ATRX: variants seen among roughly 807,000 people sequenced by gnomAD.
ATRX encodes ATRX chromatin remodeler.
In ATRX, 12 loss-of-function variants were observed where a neutral mutation model predicts 172.6. The observed-to-expected ratio is 0.07, with a 90% CI of 0.04 to 0.11. The LOEUF (loss-of-function observed/expected upper bound fraction) is 0.11, where lower values mean the gene tolerates loss of function less well. Ranked by LOEUF, ATRX falls within the 10% of genes least tolerant of loss-of-function variation. ATRX has a pLI of 1.00. For synonymous variants in ATRX, 674 were observed against 594.7 expected (o/e 1.13, Z -1.94); for missense variants, 1,368 against 1,767.4 (o/e 0.77, Z 4.05).
At chrX:77,668,440 C>G (rs932172528) in intron 10 of ATRX, among the ~76,000 whole-genome samples, 7 of 111,812 alleles carry the variant, frequency 6.3e-5, no homozygotes, top group African/African-American at 2.3e-4. Flanking sequence ...CGATGTACTG[C>G]CCCTGGAATC....
chrX:77,656,647 C>T lies in ATRX; in HGVS notation c.4127G>A (p.Ser1376Asn), dbSNP rs782818973. ...VKGRNRRKVS[S>N]EDSEDSDFQE... ...AAAATCAGAATCTTCTGAATCTTCA[C>T]TGCTCACTTGAATTTTAAAAAATAC... is the stretch of plus-strand genomic sequence containing the variant. Residue 1376 changes from serine (S) to asparagine (N), a missense_variant, in exon 13 of 35, where the codon AGT (serine) becomes AAT (asparagine). Around this residue, in one of 17 missense-constraint regions of ATRX, gnomAD observed 119 missense variants for 131.3 expected, o/e 0.91. Coordinates refer to ENST00000373344, the MANE Select transcript of ATRX (RefSeq NM_000489.6). 1 of 1,191,424 alleles carries T rather than the reference C, an allele frequency of 8.4e-7. No individual in the cohort carries two copies. Among genetic ancestry groups the T allele is most frequent in the East Asian group, 3.0e-5 (1 of 33,546 alleles).
At chrX:77,692,241 T>TA (rs1557147394) in intron 6 of ATRX, among the ~76,000 whole-genome samples, 1 of 111,510 alleles carries the variant, frequency 9.0e-6, no homozygotes, top group Non-Finnish European at 1.9e-5. Context: ...AAGAAACTCT[T>TA]ACTACTGATC....
intron 19 of ATRX, among the ~76,000 whole-genome samples, chrX:77,623,942 C>T: frequency 8.9e-6 from 1 of 111,777 alleles, no homozygotes; most frequent in African/African-American, 3.2e-5. Flanking sequence ...CCATAGCCAA[C>T]ATAATACTGA....
chrX:77,677,877 T>A (rs1557134611), intron 9 of ATRX, among the ~76,000 whole-genome samples: 2 of 110,905 alleles, frequency 1.8e-5, no homozygotes, highest in South Asian at 7.6e-4. Flanking sequence ...AAAAAATCTA[T>A]AAAGGAAACA....
intron 26 of ATRX, among the ~76,000 whole-genome samples, chrX:77,590,772 A>T (rs782310690): frequency 8.9e-6 from 1 of 111,920 alleles, no homozygotes; most frequent in South Asian, 3.7e-4. Flanking sequence ...ATGGAGCATA[A>T]ATCTAACTGT....
chrX:77,623,052 T>C (rs1208532733), intron 19 of ATRX, among the ~76,000 whole-genome samples: 1 of 108,636 alleles, frequency 9.2e-6, no homozygotes, highest in African/African-American at 3.4e-5. Context: ...ATAACCAAGA[T>C]CAGAGCAGTA....
At chrX:77,703,287 T>C (rs1323044578) in intron 2 of ATRX, among the ~76,000 whole-genome samples, 1 of 113,038 alleles carries the variant, frequency 8.8e-6, no homozygotes, top group Non-Finnish European at 1.9e-5. Context: ...CTCATGCTAC[T>C]GGCCTGTGTC....
chrX:77,635,847 G>C (rs2148356695), intron 16 of ATRX, 68 bp downstream of exon 16: 1 of 1,042,003 alleles, frequency 9.6e-7, no homozygotes, highest in Non-Finnish European at 1.3e-6. Context: ...ATGTGAGGCA[G>C]CTGCCTCACA....
intron 2 of ATRX, among the ~76,000 whole-genome samples, chrX:77,711,562 T>C (rs1557161268): frequency 8.9e-6 from 1 of 112,366 alleles, no homozygotes; most frequent in Non-Finnish European, 1.9e-5. Flanking sequence ...GGGCTGGGTG[T>C]GGTGGCTCAC....
intron 34 of ATRX, among the ~76,000 whole-genome samples, chrX:77,517,785 A>G (rs1291502927): frequency 8.9e-6 from 1 of 112,128 alleles, no homozygotes; most frequent in East Asian, 2.8e-4. Context: ...ATAATAGCAA[A>G]CACAATTCAA....
At chrX:77,623,949 C>T (rs2067703941) in intron 19 of ATRX, among the ~76,000 whole-genome samples, 2 of 111,734 alleles carry the variant, frequency 1.8e-5, no homozygotes, top group Admixed American at 1.9e-4. Context: ...CAACATAATA[C>T]TGAATGGAGA....
chrX:77,682,994 A>G lies in ATRX; in HGVS notation c.2262T>C (p.Ile754=), dbSNP rs1557140015. 1 of 1,210,529 alleles carries G rather than the reference A, an allele frequency of 8.3e-7. No individual in the cohort carries two copies. Among genetic ancestry groups the G allele is most frequent in the Admixed American group, 2.2e-5 (1 of 45,960 alleles). Residue 754 remains isoleucine (I), a synonymous_variant, in exon 9 of 35, where the codon ATT becomes ATC. Transcript: ENST00000373344. Reference sequence around the variant, plus strand: ...TCTTATGGTTTGTATGAATTTCATTAATATCAGTATCTGAAGAAGAACTGT... The same window carrying G: ...TCTTATGGTTTGTATGAATTTCATTGATATCAGTATCTGAAGAAGAACTGT... ...MSHSSSSDTD[I]NEIHTNHKTL... is the part of the protein sequence containing the mutation.
chrX:77,601,895 A>G (rs2066691425), intron 22 of ATRX, among the ~76,000 whole-genome samples: 1 of 111,888 alleles, frequency 8.9e-6, no homozygotes. Context: ...GAGGTATATA[A>G]TTTCTCGGCA....
At chrX:77,782,151 C>T (rs782309559) in intron 1 of ATRX, among the ~76,000 whole-genome samples, 1 of 111,736 alleles carries the variant, frequency 8.9e-6, no homozygotes, top group East Asian at 2.8e-4. Flanking sequence ...TTTTAAAAAC[C>T]TTTATAAAAT....
chrX:77,604,819 C>CA lies in ATRX; in HGVS notation c.5567-4256dup, dbSNP rs782636514. On this transcript the variant is annotated intron_variant, in intron 22 of 34. Transcript: ENST00000373344. ...TACACAGTGGAATACTATTTGGCCA[C>CA]AAAAAAGAACAAAAGCATGTCTTCT... 4.9e-4 allele frequency among the ~76,000 whole-genome samples: 55 copies of CA among 111,776 alleles called. No homozygotes were observed. The South Asian group carries it at 0.011, about 23-fold the overall frequency.
chrX:77,523,983 C>T (rs1443583946), intron 30 of ATRX, among the ~76,000 whole-genome samples: 1 of 111,325 alleles, frequency 9.0e-6, no homozygotes, highest in Admixed American at 9.5e-5. Context: ...AATTGATATA[C>T]ATTTTTCAAT....
Position 77,716,110 on chromosome X carries a change from A to ATTTTTTTTTT in ATRX, c.133+1011_133+1020dup, listed in dbSNP as rs199639051. Among the ~76,000 whole-genome samples the ATTTTTTTTTT allele has an allele frequency of 5.5e-4, 30 of 54,389 alleles. 4 individuals carry two copies. Among genetic ancestry groups the ATTTTTTTTTT allele is most frequent in the East Asian group, 2.6e-3 (4 of 1,552 alleles). 47.2% of individuals were successfully genotyped at this position (54,389 alleles called of 115,157 possible). A position where few individuals can be genotyped will look rare whatever the true frequency, so the allele number is the denominator to read the frequency against. On this transcript the variant is annotated intron_variant, in intron 2 of 34. Transcript: ENST00000373344. ...ACATAGCAAGACCATGTCTCTAAAA[A>ATTTTTTTTTT]TTTTTTTTTTTTTTTTTTTTTTTTT...
At chrX:77,535,916 T>C (rs782455504) in intron 30 of ATRX, among the ~76,000 whole-genome samples, 20 of 108,320 alleles carry the variant, frequency 1.8e-4, no homozygotes, top group African/African-American at 6.1e-4. Flanking sequence ...TTTTTTTGTA[T>C]TTTTGTAGAT....
rs1302208374 is a variant in ATRX at position 77,786,185 on chromosome X, C to T, written c.-184G>A. ...CGCAGGAGCCGCGGAAACAAAGCGA[C>T]ACCGCTGCCGCCGCCATTTTGTTGG... is the stretch of plus-strand genomic sequence containing the variant. On this transcript the variant is annotated 5_prime_UTR_variant, in exon 1 of 35. Coordinates refer to ENST00000373344, the MANE Select transcript of ATRX (RefSeq NM_000489.6). The T allele has an allele frequency of 4.2e-6, 2 of 478,639 alleles. No individual in the cohort carries two copies. The highest frequency in any genetic ancestry group is 4.9e-5 in the African/African-American group (2 of 41,029). 39.4% of individuals were successfully genotyped at this position (478,639 alleles called of 1,213,427 possible). A position where few individuals can be genotyped will look rare whatever the true frequency, so the allele number is the denominator to read the frequency against.
Sources: gnomAD v4.1 joint callset for allele counts (sites outside exome capture counted in the v4.1 genomes callset) on GRCh38, gnomAD v4.1.1 for gene constraint, gnomAD v4.1.1 regional missense constraint, MANE v1.5 for transcripts, NCBI Gene and HGNC (gene_info 2026-07-23, HGNC 2026-07-21) for gene names.